KIAA0232: variants seen among roughly 807,000 people sequenced by gnomAD.
The protein encoded by KIAA0232 is KIAA0232.
In KIAA0232, 27 loss-of-function variants were observed where a neutral mutation model predicts 122.0. That is an observed-to-expected ratio of 0.22 (90% CI 0.16 to 0.31). The LOEUF (loss-of-function observed/expected upper bound fraction) is 0.31, where lower values mean the gene tolerates loss of function less well. Ranked by LOEUF, KIAA0232 falls within the 10% of genes least tolerant of loss-of-function variation. The probability of loss-of-function intolerance (pLI) is 1.00; values close to 1 mark genes in which losing one functional copy is unlikely to be tolerated. For synonymous variants in KIAA0232, 613 were observed against 587.6 expected, an observed-to-expected ratio of 1.04 and a Z score of -0.63; for missense variants, 1,551 against 1,634.2, an observed-to-expected ratio of 0.95 and a Z score of 0.88.
chr4:6,805,953 ATAAT>A (rs1392838544), intron 2 of KIAA0232, among the ~76,000 whole-genome samples: 1 of 152,052 alleles, frequency 6.6e-6, no homozygotes, highest in African/African-American at 2.4e-5. Flanking sequence ...GAATTTCATA[ATAAT>A]TTTGTTTTAT....
chr4:6,796,845 G>A (rs560907583), intron 1 of KIAA0232, among the ~76,000 whole-genome samples: 1 of 152,300 alleles, frequency 6.6e-6, no homozygotes, highest in South Asian at 2.1e-4. Flanking sequence ...TAGCTACCGT[G>A]ATGGGAGGGC....
Position 6,882,557 on chromosome 4 carries a change from G to A in KIAA0232, c.*1591G>A, listed in dbSNP as rs778199572. On this transcript the variant is annotated 3_prime_UTR_variant, in exon 10 of 10. Coordinates refer to ENST00000307659, the MANE Select transcript of KIAA0232 (RefSeq NM_014743.3). The stretch of plus-strand genomic sequence containing the variant: ...CCGAGAGGGACCTGGTGTGCCCGCC[G>A]GGTCGATCTTCCCACGTGTTAGGGT... 5 of 151,972 alleles carry A rather than the reference G, an allele frequency of 3.3e-5. No individual in the cohort carries two copies. Among genetic ancestry groups the A allele is most frequent in the African/African-American group, 4.8e-5 (2 of 41,356 alleles). 9.4% of individuals were successfully genotyped at this position (151,972 alleles called of 1,614,324 possible).
chr4:6,785,098 C>T (rs934474814), intron 1 of KIAA0232, among the ~76,000 whole-genome samples: 3 of 152,202 alleles, frequency 2.0e-5, no homozygotes, highest in African/African-American at 7.2e-5. Context: ...CCACCACCCC[C>T]GGCTAATTTT....
At chr4:6,840,925 A>C (rs916941170) in intron 3 of KIAA0232, among the ~76,000 whole-genome samples, 1 of 152,170 alleles carries the variant, frequency 6.6e-6, no homozygotes, top group Non-Finnish European at 1.5e-5. Flanking sequence ...TGTGATTAAC[A>C]ATTCAATGCT....
At chr4:6,783,711 C>T (rs982748350) in intron 1 of KIAA0232, among the ~76,000 whole-genome samples, 1 of 150,174 alleles carries the variant, frequency 6.7e-6, no homozygotes, top group African/African-American at 2.4e-5. Context: ...GCGGGCCTGG[C>T]GGGCGGGGCC....
At position 6,855,970 on chromosome 4, in the gene KIAA0232, T is replaced by C. The variant is rs560534992; in HGVS notation, c.370-1194T>C. 81 of 550,656 alleles carry C rather than the reference T, an allele frequency of 1.5e-4. No individual in the cohort carries two copies. Among genetic ancestry groups the C allele is most frequent in the Non-Finnish European group, 1.8e-4 (77 of 432,812 alleles). 34.1% of individuals were successfully genotyped at this position (550,656 alleles called of 1,614,324 possible). ...TATGACTAATATCTGCCATCGTTTT[T>C]AAGAGTGTTTTTAAAGGAAAGGGCA... On this transcript the variant is annotated intron_variant, in intron 4 of 9. Coordinates refer to ENST00000307659, the MANE Select transcript of KIAA0232 (RefSeq NM_014743.3). The surrounding 1 kb of genome is among the most constrained non-coding windows in gnomAD (Gnocchi z 4.3).
chr4:6,864,504 C>T (rs1489813601), intron 7 of KIAA0232, among the ~76,000 whole-genome samples: 1 of 151,812 alleles, frequency 6.6e-6, no homozygotes, highest in Non-Finnish European at 1.5e-5. Flanking sequence ...TTTGGGAGGC[C>T]GAAGTGGGTA....
intron 3 of KIAA0232, among the ~76,000 whole-genome samples, chr4:6,835,917 T>C (rs1012541994): frequency 6.6e-6 from 1 of 152,258 alleles, no homozygotes; most frequent in Non-Finnish European, 1.5e-5. Flanking sequence ...TGAATAGTGC[T>C]GCAATAAACA....
At chr4:6,803,130 A>G (rs921559087) in intron 1 of KIAA0232, among the ~76,000 whole-genome samples, 1 of 150,754 alleles carries the variant, frequency 6.6e-6, no homozygotes, top group Non-Finnish European at 1.5e-5. Flanking sequence ...GTAGTAAGCT[A>G]TGATTGTACC....
intron 2 of KIAA0232, among the ~76,000 whole-genome samples, chr4:6,810,295 T>C (rs566650826): frequency 6.6e-6 from 1 of 152,294 alleles, no homozygotes; most frequent in Non-Finnish European, 1.5e-5. Flanking sequence ...CAACTGATCT[T>C]TGACAACGCT....
intron 1 of KIAA0232, among the ~76,000 whole-genome samples, chr4:6,795,797 C>T (rs895503807): frequency 2.0e-5 from 3 of 152,166 alleles, no homozygotes; most frequent in Non-Finnish European, 4.4e-5. Flanking sequence ...CACTATGTTG[C>T]CCAGGCTGAG....
chr4:6,860,891 T>C lies in KIAA0232; in HGVS notation c.519-10T>C, dbSNP rs1178344569. Reference sequence around the variant, plus strand: ...TACTCGTGTTTTGAAGTCTTTACTCTGTTTTTCAGGTACTATGAAGCATTT... The same window carrying C: ...TACTCGTGTTTTGAAGTCTTTACTCCGTTTTTCAGGTACTATGAAGCATTT... On this transcript the variant is annotated splice_polypyrimidine_tract_variant and intron_variant, in intron 6 of 9. Transcript: ENST00000307659. 3.1e-6 allele frequency: 5 copies of C among 1,606,578 alleles called. No individual in the cohort carries two copies. Among genetic ancestry groups the C allele is most frequent in the Non-Finnish European group, 4.3e-6 (5 of 1,175,982 alleles).
At chr4:6,790,877 T>C (rs1338191570) in intron 1 of KIAA0232, among the ~76,000 whole-genome samples, 3 of 151,750 alleles carry the variant, frequency 2.0e-5, no homozygotes, top group Non-Finnish European at 4.4e-5. Context: ...GTTAATCTTT[T>C]GCCAGTACCA....
intron 7 of KIAA0232, among the ~76,000 whole-genome samples, chr4:6,865,883 C>T (rs1721149983): frequency 6.6e-6 from 1 of 152,116 alleles, no homozygotes; most frequent in South Asian, 2.1e-4. Flanking sequence ...TTGCATTTTT[C>T]ATTTCTCATG....
chr4:6,821,215 G>A (rs1718405233), intron 2 of KIAA0232, among the ~76,000 whole-genome samples: 1 of 152,072 alleles, frequency 6.6e-6, no homozygotes, highest in Admixed American at 6.6e-5. Context: ...TTAATTTTTT[G>A]CTTTTTATTT....
intron 1 of KIAA0232, among the ~76,000 whole-genome samples, chr4:6,798,265 A>T (rs768774496): frequency 6.6e-6 from 1 of 152,124 alleles, no homozygotes; most frequent in Non-Finnish European, 1.5e-5. Flanking sequence ...ATGCTTTTTC[A>T]TGTTGTGAAA....
At chr4:6,839,084 C>A (rs953410235) in intron 3 of KIAA0232, among the ~76,000 whole-genome samples, 1 of 152,164 alleles carries the variant, frequency 6.6e-6, no homozygotes, top group Non-Finnish European at 1.5e-5. Flanking sequence ...CAAGATCACG[C>A]CACTACACTC....
chr4:6,831,017 T>G (rs569777884), intron 3 of KIAA0232, among the ~76,000 whole-genome samples: 1 of 152,030 alleles, frequency 6.6e-6, no homozygotes, highest in African/African-American at 2.4e-5. Flanking sequence ...AGTAGTGCTT[T>G]CTTTCTCTTT....
intron 1 of KIAA0232, among the ~76,000 whole-genome samples, chr4:6,798,670 A>C (rs146455298): frequency 9.8e-4 from 149 of 152,186 alleles, no homozygotes; most frequent in African/African-American, 3.2e-3. Flanking sequence ...TCCCACCTCA[A>C]CCTTCTGAGT....
Sources: gnomAD v4.1 joint callset for allele counts (sites outside exome capture counted in the v4.1 genomes callset) on GRCh38, gnomAD v4.1.1 for gene constraint, Gnocchi (gnomAD v3.1) non-coding constraint, MANE v1.5 for transcripts, NCBI Gene and HGNC (gene_info 2026-07-23, HGNC 2026-07-21) for gene names.